Variants in FGF13 observed in about 807,000 individuals in gnomAD.
FGF13 encodes the protein fibroblast growth factor 13.
In FGF13, 2 loss-of-function variants were observed where a neutral mutation model predicts 19.5. That is an observed-to-expected ratio of 0.10 (90% CI 0.04 to 0.32). The LOEUF (loss-of-function observed/expected upper bound fraction) is 0.32. Ranked by LOEUF, FGF13 falls within the 10% of genes least tolerant of loss-of-function variation. The probability of loss-of-function intolerance (pLI) is 1.00; values close to 1 mark genes in which losing one functional copy is unlikely to be tolerated. For synonymous variants in FGF13, 72 were observed against 76.9 expected (o/e 0.94, Z 0.33); for missense variants, 113 against 192.7 (o/e 0.59, Z 2.45).
intron 3 of FGF13, among the ~76,000 whole-genome samples, chrX:138,838,670 A>G (rs2091129559): frequency 9.0e-6 from 1 of 111,619 alleles, no homozygotes; most frequent in South Asian, 3.8e-4. Flanking sequence ...TGTCCTTTCC[A>G]TTCCTCTCTT....
At chrX:139,170,087 C>T (rs924578490) in intron 1 of FGF13, among the ~76,000 whole-genome samples, 5 of 111,366 alleles carry the variant, frequency 4.5e-5, no homozygotes, top group African/African-American at 1.3e-4. Context: ...ATGGAGTTTG[C>T]GTAAGATTTC....
chrX:138,685,913 T>C (rs2089777189), intron 3 of FGF13, among the ~76,000 whole-genome samples: 1 of 109,606 alleles, frequency 9.1e-6, no homozygotes, highest in African/African-American at 3.3e-5. Flanking sequence ...TGTGGCTTCC[T>C]GAAACAGCAC....
chrX:138,788,713 T>C (rs911741394), intron 3 of FGF13, among the ~76,000 whole-genome samples: 1 of 112,307 alleles, frequency 8.9e-6, no homozygotes, highest in Non-Finnish European at 1.9e-5. Flanking sequence ...TTGGGGTAGC[T>C]GATTATGTTT....
At chrX:138,980,919 G>T (rs189580542) in intron 1 of FGF13, among the ~76,000 whole-genome samples, 1 of 111,257 alleles carries the variant, frequency 9.0e-6, no homozygotes. Context: ...CACATATTAG[G>T]AAACATACAT....
chrX:138,736,536 T>C (rs1232543300), intron 1 of FGF13, among the ~76,000 whole-genome samples: 1 of 110,688 alleles, frequency 9.0e-6, no homozygotes, highest in Non-Finnish European at 1.9e-5. Flanking sequence ...TTTGAGGCAC[T>C]GCCCAGGTGA....
At chrX:138,727,748 A>T (rs10521789) in intron 1 of FGF13, among the ~76,000 whole-genome samples, 7 of 111,361 alleles carry the variant, frequency 6.3e-5, no homozygotes, top group Admixed American at 9.5e-5. Flanking sequence ...AGGTGTTTGA[A>T]TATATAGCCC....
At chrX:139,007,885 G>A (rs1438783389) in intron 1 of FGF13, among the ~76,000 whole-genome samples, 2 of 112,521 alleles carry the variant, frequency 1.8e-5, no homozygotes, top group Admixed American at 9.3e-5. Context: ...CAATGGGGAG[G>A]TTTGTGATCT....
At chrX:139,083,540 G>T (rs1006829378) in intron 1 of FGF13, among the ~76,000 whole-genome samples, 7 of 112,208 alleles carry the variant, frequency 6.2e-5, no homozygotes, top group Non-Finnish European at 1.1e-4. Flanking sequence ...CTGAGATTAT[G>T]CCAGAGAATG....
At chrX:138,805,471 T>C (rs1440027697) in intron 3 of FGF13, among the ~76,000 whole-genome samples, 1 of 111,573 alleles carries the variant, frequency 9.0e-6, no homozygotes, top group Non-Finnish European at 1.9e-5. Context: ...TGTATTTTTT[T>C]TAAATGCAAC....
intron 3 of FGF13, among the ~76,000 whole-genome samples, chrX:138,826,157 A>C (rs1293904290): frequency 2.7e-5 from 3 of 112,029 alleles, no homozygotes; most frequent in Non-Finnish European, 3.8e-5. Context: ...AGATCATTAC[A>C]TCTATCCTTT....
At chrX:139,046,521 C>T (rs1431323783) in intron 1 of FGF13, among the ~76,000 whole-genome samples, 1 of 111,318 alleles carries the variant, frequency 9.0e-6, no homozygotes, top group East Asian at 2.8e-4. Flanking sequence ...TGTAGTGGCT[C>T]CTATGGGCTC....
At chrX:138,799,295 T>C (rs1253269965) in intron 3 of FGF13, among the ~76,000 whole-genome samples, 1 of 111,957 alleles carries the variant, frequency 8.9e-6, no homozygotes, top group South Asian at 3.7e-4. Context: ...AGTTATTCAT[T>C]TCTGCCTTCA....
intron 1 of FGF13, among the ~76,000 whole-genome samples, chrX:139,008,743 A>G (rs2092115766): frequency 8.9e-6 from 1 of 111,981 alleles, no homozygotes; most frequent in South Asian, 3.7e-4. Context: ...AGTCTACACA[A>G]ATGAGAATGA....
At chrX:138,877,905 G>A (rs958817211) in intron 1 of FGF13, among the ~76,000 whole-genome samples, 3 of 111,780 alleles carry the variant, frequency 2.7e-5, no homozygotes, top group African/African-American at 9.7e-5. Context: ...ACATATATCT[G>A]TTTGAGTCCC....
intron 1 of FGF13, among the ~76,000 whole-genome samples, chrX:139,032,532 G>C (rs902471813): frequency 9.0e-6 from 1 of 111,187 alleles, no homozygotes; most frequent in Non-Finnish European, 1.9e-5. Context: ...ATTACACAAA[G>C]AGTTGTTTGG....
chrX:138,947,966 C>T (rs1370675582), intron 1 of FGF13, among the ~76,000 whole-genome samples: 10 of 111,353 alleles, frequency 9.0e-5, no homozygotes, highest in Admixed American at 2.9e-4. Context: ...GAAGTCAAGC[C>T]GGCCATCTAC....
At chrX:138,704,939 C>A (rs1056811483) in intron 2 of FGF13, among the ~76,000 whole-genome samples, 1 of 112,427 alleles carries the variant, frequency 8.9e-6, no homozygotes, top group African/African-American at 3.2e-5. Context: ...TTGTTCACAG[C>A]AGGTGTTCAA....
At chrX:138,702,646 A>C (rs1293320024) in intron 3 of FGF13, among the ~76,000 whole-genome samples, 2 of 111,999 alleles carry the variant, frequency 1.8e-5, no homozygotes, top group Non-Finnish European at 3.8e-5. Flanking sequence ...GGATAAATAT[A>C]TGTTCAACTG....
At chrX:139,190,381 G>A (rs754679544) in intron 1 of FGF13, among the ~76,000 whole-genome samples, 3 of 105,459 alleles carry the variant, frequency 2.8e-5, no homozygotes, top group Non-Finnish European at 3.9e-5. Flanking sequence ...CTTGATAAAA[G>A]AAAAAAAAAA....
Sources: allele counts gnomAD v4.1 joint callset (sites outside exome capture counted in the v4.1 genomes callset), GRCh38; gene constraint gnomAD v4.1.1; transcripts MANE v1.5; gene names NCBI Gene and HGNC (gene_info 2026-07-23, HGNC 2026-07-21).